Variants in PCDHGA7 observed in about 807,000 individuals in gnomAD.
The protein encoded by PCDHGA7 is protocadherin gamma subfamily A, 7, also known as protocadherin gamma-A7.
PCDHGA7 carries 44 observed loss-of-function variants against 58.3 expected under a neutral mutation model. The ratio of observed to expected loss-of-function variants is 0.75; its 90% confidence interval spans 0.59 to 0.97. The LOEUF (loss-of-function observed/expected upper bound fraction) is 0.97, where lower values mean the gene tolerates loss of function less well. PCDHGA7 is among the 50% of genes least tolerant of loss of function. The pLI is 0.00. For missense variants in PCDHGA7, 1,266 were observed against 1,188.7 expected, an observed-to-expected ratio of 1.06 and a Z score of -0.96; for synonymous variants, 516 against 504.2, an observed-to-expected ratio of 1.02 and a Z score of -0.31.
chr5:141,405,744 C>T (rs2094711384), intron 1 of PCDHGA7, among the ~76,000 whole-genome samples: 1 of 152,192 alleles, frequency 6.6e-6, no homozygotes, highest in African/African-American at 2.4e-5. Flanking sequence ...TCCCAAAGCA[C>T]TGGGATTACA....
chr5:141,390,246 C>T (rs1401463493), intron 1 of PCDHGA7: 5 of 1,613,922 alleles, frequency 3.1e-6, no homozygotes, highest in African/African-American at 1.3e-5. Context: ...GGCCTTATTT[C>T]CACTTTGTAA....
intron 1 of PCDHGA7, among the ~76,000 whole-genome samples, chr5:141,472,224 A>G (rs570743680): frequency 1.4e-4 from 21 of 152,330 alleles, no homozygotes; most frequent in African/African-American, 4.1e-4. Context: ...TCTCGATCAT[A>G]TAATACATTC....
intron 1 of PCDHGA7, chr5:141,404,679 A>G: frequency 6.2e-7 from 1 of 1,614,096 alleles, no homozygotes; most frequent in Admixed American, 1.7e-5. Flanking sequence ...ACTGGTGTGG[A>G]GCTGGCACCC....
intron 1 of PCDHGA7, chr5:141,423,295 C>A: frequency 6.2e-7 from 1 of 1,614,146 alleles, no homozygotes; most frequent in Non-Finnish European, 8.5e-7. Context: ...AACCTCAGAC[C>A]TCTCGCTGTA....
chr5:141,450,645 C>T (rs2098688869), intron 1 of PCDHGA7, among the ~76,000 whole-genome samples: 2 of 151,618 alleles, frequency 1.3e-5, no homozygotes, highest in Non-Finnish European at 2.9e-5. Context: ...TGCCACCATG[C>T]CTGGCTAATT....
chr5:141,409,143 G>A (rs778597273), intron 1 of PCDHGA7: 1 of 1,613,868 alleles, frequency 6.2e-7, no homozygotes, highest in African/African-American at 1.3e-5. Flanking sequence ...GATGTAGAAA[G>A]GTACACCATG....
At chr5:141,455,058 C>G (rs1350223657) in intron 1 of PCDHGA7, among the ~76,000 whole-genome samples, 9 of 151,814 alleles carry the variant, frequency 5.9e-5, no homozygotes, top group Admixed American at 5.9e-4. Context: ...GTGATCCGCC[C>G]GCCTCGGCCT....
intron 1 of PCDHGA7, chr5:141,415,051 C>T: frequency 3.1e-6 from 5 of 1,613,458 alleles, no homozygotes; most frequent in South Asian, 1.1e-5. Flanking sequence ...GGTGGGGGAG[C>T]ACACGGGCGA....
At chr5:141,446,093 GA>G (rs1217618203) in intron 1 of PCDHGA7, among the ~76,000 whole-genome samples, 1 of 152,118 alleles carries the variant, frequency 6.6e-6, no homozygotes, top group Admixed American at 6.5e-5. Flanking sequence ...ATAAATGGAT[GA>G]ATTATAGATA....
In PCDHGA7 at chr5:141,487,494, C is replaced by T. The variant is rs116370895; in HGVS notation, c.2425-7313C>T. 12 of 1,614,120 alleles carry T rather than the reference C, an allele frequency of 7.4e-6. No individual in the cohort carries two copies. The East Asian group carries it at 1.1e-4, about 15-fold the overall frequency. On this transcript the variant is annotated intron_variant, in intron 1 of 3. Transcript: ENST00000518325. The surrounding 1 kb of genome is among the most constrained non-coding windows in gnomAD (Gnocchi z 5.0). Reference sequence around the variant, plus strand: ...GGAGGCCACTCTCATGGCTGTACACCCTTGGCTTCTGCACCCACTCGGAGT... The same window carrying T: ...GGAGGCCACTCTCATGGCTGTACACTCTTGGCTTCTGCACCCACTCGGAGT...
intron 1 of PCDHGA7, chr5:141,388,621 T>C (rs2091422595): frequency 6.2e-7 from 1 of 1,613,806 alleles, no homozygotes; most frequent in African/African-American, 1.3e-5. Context: ...AGTCAAGACG[T>C]ATACAGGGTG....
rs373652237 is a variant in PCDHGA7, at chr5:141,382,964, C to A, written c.65C>A (p.Thr22Asn). The change falls in exon 1 of 4, where the codon ACC becomes AAC. Residue 22 changes from threonine to asparagine, a missense_variant. Transcript: ENST00000518325. ...GFFLLSILLGTPWEAWAGRIL... is the reference protein window; with the variant it reads ...GFFLLSILLGNPWEAWAGRIL... ...TTCCTGCTCTCCATCCTCCTGGGGACCCCCTGGGAAGCCTGGGCAGGACGT... is the reference window on the plus strand; with the variant it reads ...TTCCTGCTCTCCATCCTCCTGGGGAACCCCTGGGAAGCCTGGGCAGGACGT... 6.2e-7 allele frequency: 1 copy of A among 1,608,238 alleles called. No homozygotes were observed.
In PCDHGA7 at chr5:141,502,866, C is replaced by CTTTTTTTTTTTTTTTTT. The variant is rs549047197; in HGVS notation, c.2484-2513_2484-2512insTTTTTTTTTTTTTTTTT. Among the ~76,000 whole-genome samples the CTTTTTTTTTTTTTTTTT allele has an allele frequency of 3.1e-5, 4 of 128,046 alleles. 1 individual carries two copies. 84.0% of individuals were successfully genotyped at this position (128,046 alleles called of 152,430 possible). A position where few individuals can be genotyped will look rare whatever the true frequency, so the allele number is the denominator to read the frequency against. ...GAGCTGCCTAACCCTGACTCTCTGTCTTTTTTTTTTTTTTGACAGGGAGTC... is the reference window on the plus strand; with the variant it reads ...GAGCTGCCTAACCCTGACTCTCTGTCTTTTTTTTTTTTTTTTTTTTTTTTTTTTTTTGACAGGGAGTC... On this transcript the variant is annotated intron_variant, in intron 2 of 3. Transcript: ENST00000518325.
At chr5:141,409,436 C>G (rs368696166) in intron 1 of PCDHGA7, 2 of 1,613,982 alleles carry the variant, frequency 1.2e-6, no homozygotes, top group Non-Finnish European at 1.7e-6. Flanking sequence ...AGCCCTGGAC[C>G]GAGAGCAGAC....
chr5:141,417,859 GAT>G, intron 1 of PCDHGA7: 1 of 1,548,208 alleles, frequency 6.5e-7, no homozygotes, highest in Middle Eastern at 1.7e-4. Context: ...CCGAGCGAAC[GAT>G]GGGAGGGAGC....
chr5:141,396,951 A>G (rs1444720599), intron 1 of PCDHGA7, among the ~76,000 whole-genome samples: 1 of 152,210 alleles, frequency 6.6e-6, no homozygotes, highest in African/African-American at 2.4e-5. Flanking sequence ...TAGGAAAGAA[A>G]ATCCTTACTC....
rs2099450974 is a variant in PCDHGA7 at position 141,478,361 on chromosome 5, G to A, written c.2425-16446G>A. 6 of 1,613,776 alleles carry A rather than the reference G, an allele frequency of 3.7e-6. No individual in the cohort carries two copies. The East Asian group carries it at 1.3e-4, about 36-fold the overall frequency. ...CTCCTTGCACGCGGACGCCGTGCGGGGAGGCCTGATGTCGCCGCACCTTTA... is the reference window on the plus strand; with the variant it reads ...CTCCTTGCACGCGGACGCCGTGCGGAGAGGCCTGATGTCGCCGCACCTTTA... On this transcript the variant is annotated intron_variant, in intron 1 of 3. Coordinates refer to ENST00000518325, the MANE Select transcript of PCDHGA7 (RefSeq NM_018920.4).
intron 1 of PCDHGA7, chr5:141,408,003 C>A: frequency 3.3e-6 from 3 of 917,520 alleles, no homozygotes; most frequent in Non-Finnish European, 4.7e-6. Context: ...GCCTGGGATT[C>A]CCTGCGCAGC....
chr5:141,431,004 G>A lies in PCDHGA7; in HGVS notation c.2424+45681G>A, dbSNP rs569594120. The A allele has an allele frequency of 6.2e-7, 1 of 1,614,048 alleles. No homozygotes were observed. The highest frequency in any genetic ancestry group is 1.1e-5 in the South Asian group (1 of 91,074). On this transcript the variant is annotated intron_variant, in intron 1 of 3. Coordinates refer to ENST00000518325, the MANE Select transcript of PCDHGA7 (RefSeq NM_018920.4). The surrounding 1 kb of genome is among the most constrained non-coding windows in gnomAD (Gnocchi z 4.8). ...CTTTTCGCCCTGAATCCGCGCAGCG[G>A]CAGCTTGGTCACGGCGGGCAGGATA... is the stretch of plus-strand genomic sequence containing the variant.
Sources: allele counts gnomAD v4.1 joint callset (sites outside exome capture counted in the v4.1 genomes callset), GRCh38; gene constraint gnomAD v4.1.1; non-coding constraint Gnocchi (gnomAD v3.1); transcripts MANE v1.5; gene names NCBI Gene and HGNC (gene_info 2026-07-23, HGNC 2026-07-21).